Variants in PKIB observed in about 807,000 individuals in gnomAD.
PKIB encodes the protein PKI-beta.
Under a neutral mutation model 4.5 loss-of-function variants are expected in PKIB, and 2 were observed. The ratio of observed to expected loss-of-function variants is 0.44; its 90% CI spans 0.18 to 1.39. PKIB has a LOEUF of 1.39. Among genes scored for constraint, PKIB ranks in the 40% most tolerant of loss-of-function variants. The pLI is 0.27. For missense variants in PKIB, 94 were observed against 92.6 expected (o/e 1.02, Z -0.06); for synonymous variants, 38 against 36.0 (o/e 1.06, Z -0.20).
At chr6:122,701,463 C>T in intron 3 of PKIB, 1 of 1,589,992 alleles carries the variant, frequency 6.3e-7, no homozygotes, top group African/African-American at 1.3e-5. Context: ...AGATCACCTG[C>T]CAAACACAGG....
chr6:122,626,487 A>C (rs1333853168), intron 1 of PKIB, among the ~76,000 whole-genome samples: 3 of 152,218 alleles, frequency 2.0e-5, no homozygotes, highest in Non-Finnish European at 4.4e-5. Context: ...GAGTCATAAG[A>C]AGAATGATTT....
chr6:122,582,688 A>C (rs1773738047), intron 2 of PKIB, among the ~76,000 whole-genome samples: 1 of 151,918 alleles, frequency 6.6e-6, no homozygotes, highest in Admixed American at 6.6e-5. Flanking sequence ...TAGAAAGTGC[A>C]TTTCTTTTGT....
chr6:122,618,327 CT>C (rs1775077018), intron 1 of PKIB, among the ~76,000 whole-genome samples: 3 of 152,058 alleles, frequency 2.0e-5, no homozygotes, highest in Admixed American at 2.0e-4. Context: ...CCTCAAACAT[CT>C]TTTTCTTTCT....
chr6:122,645,584 C>T (rs1251633730), intron 2 of PKIB, among the ~76,000 whole-genome samples: 1 of 152,154 alleles, frequency 6.6e-6, no homozygotes, highest in East Asian at 1.9e-4. Flanking sequence ...TAGATATGTT[C>T]ACAGATTGTG....
intron 2 of PKIB, chr6:122,643,374 TA>T (rs1333776191): frequency 7.2e-5 from 11 of 152,300 alleles, no homozygotes; most frequent in Admixed American, 1.3e-4. Flanking sequence ...ATAAGATAAT[TA>T]AAAATCAGCA....
chr6:122,691,472 G>A (rs1411616681), intron 3 of PKIB, among the ~76,000 whole-genome samples: 1 of 152,042 alleles, frequency 6.6e-6, no homozygotes, highest in Non-Finnish European at 1.5e-5. Flanking sequence ...GCTATTAAGA[G>A]ACTCTGATGC....
chr6:122,525,614 T>C (rs1582676208), intron 2 of PKIB, among the ~76,000 whole-genome samples: 1 of 152,230 alleles, frequency 6.6e-6, no homozygotes, highest in East Asian at 1.9e-4. Context: ...TATACTATAG[T>C]CAAATGTGCA....
At chr6:122,577,625 T>C (rs913371796) in intron 2 of PKIB, among the ~76,000 whole-genome samples, 4 of 152,066 alleles carry the variant, frequency 2.6e-5, no homozygotes, top group Admixed American at 6.6e-5. Context: ...ATAACATTTA[T>C]TGGGCCGGGC....
chr6:122,490,669 T>C (rs576953358), intron 2 of PKIB, among the ~76,000 whole-genome samples: 2 of 152,160 alleles, frequency 1.3e-5, no homozygotes, highest in South Asian at 4.1e-4. Flanking sequence ...GAGTGTAAGC[T>C]TCCTGAGTGC....
intron 2 of PKIB, among the ~76,000 whole-genome samples, chr6:122,516,731 GA>G (rs1776766440): frequency 6.6e-6 from 1 of 152,146 alleles, no homozygotes; most frequent in Admixed American, 6.5e-5. Context: ...TTAGAAAGCA[GA>G]AGAGGTCCCA....
chr6:122,506,934 C>A (rs942999993), intron 2 of PKIB, among the ~76,000 whole-genome samples: 2 of 151,746 alleles, frequency 1.3e-5, no homozygotes, highest in African/African-American at 4.8e-5. Flanking sequence ...ATCTCCTGAC[C>A]TCGTGATCCG....
At chr6:122,634,725 C>T (rs1775844025) in intron 2 of PKIB, among the ~76,000 whole-genome samples, 1 of 152,126 alleles carries the variant, frequency 6.6e-6, no homozygotes, top group South Asian at 2.1e-4. Flanking sequence ...CTCATCAGAG[C>T]ATTTTTACTT....
chr6:122,576,689 A>AAAAAAAAAAATAT (rs1345822382), intron 2 of PKIB, among the ~76,000 whole-genome samples: 6 of 34,316 alleles, frequency 1.7e-4, no homozygotes, highest in African/African-American at 3.9e-4. Flanking sequence ...AAAAAAAAAA[A>AAAAAAAAAAATAT]ATATATATAT....
intron 3 of PKIB, among the ~76,000 whole-genome samples, chr6:122,702,430 A>G (rs1778862673): frequency 6.7e-6 from 1 of 148,840 alleles, no homozygotes; most frequent in East Asian, 2.0e-4. Context: ...CCTGGGTTCA[A>G]GTGATTCTCC....
chr6:122,542,811 C>G (rs1456681555), intron 2 of PKIB, among the ~76,000 whole-genome samples: 1 of 152,140 alleles, frequency 6.6e-6, no homozygotes, highest in African/African-American at 2.4e-5. Flanking sequence ...GCCCTGCCCC[C>G]AGAGGTGGAG....
chr6:122,488,621 A>G (rs1303404712), intron 2 of PKIB, among the ~76,000 whole-genome samples: 1 of 151,932 alleles, frequency 6.6e-6, no homozygotes, highest in Non-Finnish European at 1.5e-5. Context: ...TTTTGTAGAA[A>G]TGGGGTTTTG....
intron 2 of PKIB, among the ~76,000 whole-genome samples, chr6:122,520,661 T>C (rs1582672573): frequency 3.6e-5 from 2 of 55,600 alleles, no homozygotes; most frequent in African/African-American, 5.9e-5. Context: ...AAGTTTATGT[T>C]CCCACCCCCC....
rs1776899795 is a variant in PKIB, at chr6:122,520,524, C to T, written c.-248+42585C>T. ...TGGTATAAAATTGAGATAATTGGCA[C>T]ACATCTAAGTTCACATGTTTGTGTT... On this transcript the variant is annotated intron_variant, in intron 2 of 6. Coordinates refer to the PKIB transcript ENST00000392491. Among the ~76,000 whole-genome samples the T allele has an allele frequency of 2.0e-5, 3 of 152,208 alleles. No individual in the cohort carries two copies. In the South Asian group the frequency reaches 6.2e-4, roughly 32 times the overall value.
chr6:122,480,691 C>A (rs1775587346), intron 2 of PKIB: 2 of 152,086 alleles, frequency 1.3e-5, no homozygotes, highest in Admixed American at 1.3e-4. Flanking sequence ...CCTTATATTT[C>A]TAAGAATTTT....
Sources: allele counts gnomAD v4.1 joint callset (sites outside exome capture counted in the v4.1 genomes callset), GRCh38; gene constraint gnomAD v4.1.1; transcripts MANE v1.5; gene names NCBI Gene and HGNC (gene_info 2026-07-23, HGNC 2026-07-21).